MDFIC2: variants seen among roughly 807,000 people sequenced by gnomAD.
MDFIC2 encodes MyoD family inhibitor domain containing 2, also known as myoD family inhibitor domain-containing protein 2.
chr3:70,288,590 C>T (rs1702192366), intron 2 of MDFIC2, among the ~76,000 whole-genome samples: 1 of 149,170 alleles, frequency 6.7e-6, no homozygotes, highest in African/African-American at 2.5e-5. Context: ...TGCTGCAGAG[C>T]TGAGTTCAAT....
At chr3:70,311,447 G>A (rs954451391) in intron 2 of MDFIC2, among the ~76,000 whole-genome samples, 6 of 152,124 alleles carry the variant, frequency 3.9e-5, no homozygotes, top group African/African-American at 1.4e-4. Context: ...TGGGAAGGTG[G>A]CTTCTCTAAT....
intron 2 of MDFIC2, among the ~76,000 whole-genome samples, chr3:70,227,182 A>G (rs1174807432): frequency 6.6e-6 from 1 of 152,198 alleles, no homozygotes; most frequent in Admixed American, 6.5e-5. Context: ...TGTCTTAGAA[A>G]TGCCATGATG....
intron 2 of MDFIC2, among the ~76,000 whole-genome samples, chr3:70,209,385 A>G (rs1030026670): frequency 6.6e-6 from 1 of 152,094 alleles, no homozygotes; most frequent in South Asian, 2.1e-4. Flanking sequence ...ACACACACAC[A>G]CGAACACACA....
chr3:70,280,121 G>C (rs568412240), intron 2 of MDFIC2, among the ~76,000 whole-genome samples: 3 of 152,096 alleles, frequency 2.0e-5, no homozygotes, highest in Non-Finnish European at 4.4e-5. Flanking sequence ...GCCTCTTCCA[G>C]CTTCTGGGGG....
chr3:70,225,565 C>T (rs950933261), intron 2 of MDFIC2, among the ~76,000 whole-genome samples: 11 of 152,078 alleles, frequency 7.2e-5, no homozygotes, highest in Non-Finnish European at 1.5e-4. Context: ...TGTTTATATT[C>T]TCCCTGCTTC....
At chr3:70,254,068 A>G (rs1354814000) in intron 2 of MDFIC2, among the ~76,000 whole-genome samples, 1 of 152,182 alleles carries the variant, frequency 6.6e-6, no homozygotes, top group Admixed American at 6.5e-5. Context: ...GTTATTTAGT[A>G]GGCATATTTA....
rs1701364494 is a variant in MDFIC2, at chr3:70,212,810, C to G, written c.89-6020G>C. Among the ~76,000 whole-genome samples, 6 of 151,850 alleles carry G rather than the reference C, an allele frequency of 4.0e-5. No individual in the cohort carries two copies. The South Asian group carries it at 1.2e-3, about 32-fold the overall frequency. On this transcript the variant is annotated intron_variant, in intron 2 of 3. Transcript: ENST00000567252. Reference sequence around the variant, plus strand: ...CCATTTTCTCTCTCTTTTTTTGAGACAGGGTCTCACTCTGTCACCCAGGCT... The same window carrying G: ...CCATTTTCTCTCTCTTTTTTTGAGAGAGGGTCTCACTCTGTCACCCAGGCT...
chr3:70,294,150 C>G (rs1465101969), intron 2 of MDFIC2, among the ~76,000 whole-genome samples: 3 of 152,110 alleles, frequency 2.0e-5, no homozygotes, highest in Admixed American at 2.0e-4. Context: ...CAAAATAATA[C>G]TACCCTAGCA....
chr3:70,207,010 G>A (rs1426959853), intron 2 of MDFIC2, among the ~76,000 whole-genome samples: 4 of 150,306 alleles, frequency 2.7e-5, no homozygotes, highest in Non-Finnish European at 5.9e-5. Context: ...ACCTATCATG[G>A]TAATTTGTAA....
In MDFIC2 at chr3:70,290,354, C is replaced by T. The variant is rs191413453; in HGVS notation, c.88+21532G>A. On this transcript the variant is annotated intron_variant, in intron 2 of 3. Coordinates refer to ENST00000567252, the MANE Select transcript of MDFIC2 (RefSeq NM_001364677.1). ...TCAGTGTGCCCCTGTTGGGGGGTGC[C>T]TCCCAGTTAGGCTGCTCGGGGGCCA... Among the ~76,000 whole-genome samples, 6 of 152,304 alleles carry T rather than the reference C, an allele frequency of 3.9e-5. No individual in the cohort carries two copies. In the East Asian group the frequency reaches 1.2e-3, roughly 30 times the overall value.
At chr3:70,296,120 A>T (rs1702287270) in intron 2 of MDFIC2, among the ~76,000 whole-genome samples, 1 of 152,106 alleles carries the variant, frequency 6.6e-6, no homozygotes, top group African/African-American at 2.4e-5. Context: ...GAAAGGGTGA[A>T]AGCCTTTTTT....
rs9310185 is a variant in MDFIC2 at position 70,267,394 on chromosome 3, C to CT, written c.88+44491dup. Among the ~76,000 whole-genome samples, 36 of 74,846 alleles carry CT rather than the reference C, an allele frequency of 4.8e-4. 1 individual carries two copies. Among genetic ancestry groups the CT allele is most frequent in the African/African-American group, 1.6e-3 (30 of 18,274 alleles). 49.1% of individuals were successfully genotyped at this position (74,846 alleles called of 152,430 possible). ...TCTTGTACAGATTCTTTTTTAATAG[C>CT]TTTTTTTTTTTTTTTTTTTTTTTTT... On this transcript the variant is annotated intron_variant, in intron 2 of 3. Coordinates refer to ENST00000567252, the MANE Select transcript of MDFIC2 (RefSeq NM_001364677.1).
chr3:70,299,966 A>G (rs1369222037), intron 2 of MDFIC2, among the ~76,000 whole-genome samples: 1 of 152,092 alleles, frequency 6.6e-6, no homozygotes, highest in East Asian at 1.9e-4. Flanking sequence ...CGTTCTCTGA[A>G]AAGAACATAC....
chr3:70,247,805 C>A (rs1375847830), intron 2 of MDFIC2, among the ~76,000 whole-genome samples: 1 of 151,552 alleles, frequency 6.6e-6, no homozygotes, highest in Admixed American at 6.6e-5. Context: ...GTTTCAAACA[C>A]ACAAAATAGG....
chr3:70,276,537 G>A (rs1374153233), intron 2 of MDFIC2, among the ~76,000 whole-genome samples: 1 of 152,084 alleles, frequency 6.6e-6, no homozygotes, highest in Non-Finnish European at 1.5e-5. Flanking sequence ...TGTTTATTTA[G>A]TAAATATTTA....
intron 2 of MDFIC2, among the ~76,000 whole-genome samples, chr3:70,290,854 A>G (rs925214885): frequency 6.6e-6 from 1 of 152,158 alleles, no homozygotes; most frequent in Admixed American, 6.5e-5. Context: ...TTCTTTGACT[A>G]GGAAAGGGAA....
At chr3:70,300,971 A>G (rs2106701548) in intron 2 of MDFIC2, among the ~76,000 whole-genome samples, 1 of 152,204 alleles carries the variant, frequency 6.6e-6, no homozygotes, top group African/African-American at 2.4e-5. Context: ...TCCTAAATAA[A>G]TGATTCATTT....
chr3:70,258,570 C>A (rs1408755760), intron 2 of MDFIC2, among the ~76,000 whole-genome samples: 2 of 152,062 alleles, frequency 1.3e-5, no homozygotes, highest in African/African-American at 4.8e-5. Flanking sequence ...AATTTCTATC[C>A]ATTGTAAACA....
At chr3:70,222,265 G>C (rs910839019) in intron 2 of MDFIC2, among the ~76,000 whole-genome samples, 11 of 152,170 alleles carry the variant, frequency 7.2e-5, no homozygotes, top group Admixed American at 1.3e-4. Flanking sequence ...GGCAACTGGA[G>C]ATGAAGACTC....
Sources: gnomAD v4.1 joint callset for allele counts (sites outside exome capture counted in the v4.1 genomes callset) on GRCh38, gnomAD v4.1.1 for gene constraint, MANE v1.5 for transcripts, NCBI Gene and HGNC (gene_info 2026-07-23, HGNC 2026-07-21) for gene names.